PRKN: variants seen among roughly 807,000 people sequenced by gnomAD.
PRKN encodes the protein E3 ubiquitin-protein ligase parkin.
In PRKN, 56 loss-of-function variants were observed where a neutral mutation model predicts 59.5. That is an observed-to-expected ratio of 0.94 (90% CI 0.76 to 1.18). PRKN has a LOEUF of 1.18. Ranked by LOEUF, PRKN falls within the 50% of genes most tolerant of loss-of-function variation. The pLI, the probability that PRKN is intolerant of heterozygous loss-of-function variation, is 0.00. For missense variants in PRKN, 657 were observed against 596.4 expected (o/e 1.10, Z -1.06); for synonymous variants, 250 against 222.1 (o/e 1.13, Z -1.12).
chr6:161,858,798 T>C (rs1394490225), intron 6 of PRKN, among the ~76,000 whole-genome samples: 2 of 151,126 alleles, frequency 1.3e-5, no homozygotes, highest in Non-Finnish European at 2.9e-5. Flanking sequence ...CAGCTCTGCA[T>C]GGCCTTTTAA....
chr6:161,610,221 A>G (rs1221107626), intron 7 of PRKN, among the ~76,000 whole-genome samples: 1 of 152,078 alleles, frequency 6.6e-6, no homozygotes, highest in Non-Finnish European at 1.5e-5. Flanking sequence ...CCAGCGTTGC[A>G]TGGGAGCTGG....
In PRKN at chr6:161,347,619, G is replaced by GT. The variant is rs1393563943; in HGVS notation, c.*2479dup. ...TGGATGATCTTGCTTTTTTGTTTTT[G>GT]TTTTTTTTTTTTTTTTGAGACAGAG... On this transcript the variant is annotated 3_prime_UTR_variant, in exon 12 of 12. Transcript: ENST00000366898. 3.5e-3 allele frequency: 389 copies of GT among 111,072 alleles called. 3 individuals are homozygous for GT. Among genetic ancestry groups the GT allele is most frequent in the East Asian group, 0.024 (99 of 4,054 alleles). 6.9% of individuals were successfully genotyped at this position (111,072 alleles called of 1,614,324 possible).
Position 162,706,243 on chromosome 6 carries a change from T to A in PRKN, c.7+21419A>T, listed in dbSNP as rs147155914. Among the ~76,000 whole-genome samples, 758 of 152,214 alleles carry A rather than the reference T, an allele frequency of 5.0e-3. 8 individuals are homozygous for A. The highest frequency in any genetic ancestry group is 0.017 in the African/African-American group (699 of 41,538). On this transcript the variant is annotated intron_variant, in intron 1 of 11. Coordinates refer to ENST00000366898, the MANE Select transcript of PRKN (RefSeq NM_004562.3). ...CAAATGAAGGAACTCTTTTCCTCTATTAGAAATAGAAGAAACAGATTGTGC... is the reference window on the plus strand; with the variant it reads ...CAAATGAAGGAACTCTTTTCCTCTAATAGAAATAGAAGAAACAGATTGTGC...
chr6:162,035,012 G>A (rs759700245), intron 5 of PRKN, among the ~76,000 whole-genome samples: 3 of 152,166 alleles, frequency 2.0e-5, no homozygotes, highest in Admixed American at 6.5e-5. Context: ...GGCTGTACAA[G>A]AAGCATGTCA....
intron 7 of PRKN, among the ~76,000 whole-genome samples, chr6:161,648,243 T>C (rs1784028378): frequency 6.6e-6 from 1 of 152,194 alleles, no homozygotes; most frequent in Admixed American, 6.5e-5. Context: ...AGAAATGCAT[T>C]TTCATATTCT....
At chr6:161,932,098 T>G (rs1779187356) in intron 6 of PRKN, among the ~76,000 whole-genome samples, 1 of 152,024 alleles carries the variant, frequency 6.6e-6, no homozygotes, top group African/African-American at 2.4e-5. Flanking sequence ...TTTAAATATG[T>G]TAGATTAAAA....
intron 1 of PRKN, among the ~76,000 whole-genome samples, chr6:162,619,830 T>C (rs965032609): frequency 7.2e-5 from 11 of 152,188 alleles, no homozygotes; most frequent in African/African-American, 2.4e-4. Context: ...CAATGTATGA[T>C]GGACATCTTT....
intron 4 of PRKN, among the ~76,000 whole-genome samples, chr6:162,168,672 G>C (rs182467506): frequency 6.6e-6 from 1 of 150,808 alleles, no homozygotes; most frequent in African/African-American, 2.4e-5. Context: ...CAGGAGACTA[G>C]CTACTAACCT....
At chr6:161,692,843 G>T (rs1273302941) in intron 7 of PRKN, among the ~76,000 whole-genome samples, 1 of 151,866 alleles carries the variant, frequency 6.6e-6, no homozygotes, top group Non-Finnish European at 1.5e-5. Context: ...AGCTACTTGG[G>T]AGGCTGAGGC....
chr6:161,509,652 A>C lies in PRKN; in HGVS notation c.1083+39202T>G, dbSNP rs143870233. On this transcript the variant is annotated intron_variant, in intron 9 of 11. Transcript: ENST00000366898. ...CTCAACACTTGGTGAGAGGCCGAGG[A>C]GGGTGGATCACAAGTTTAGGAGTTC... 9.6e-3 allele frequency among the ~76,000 whole-genome samples: 1,457 copies of C among 151,904 alleles called. 20 individuals are homozygous for C. Among genetic ancestry groups the C allele is most frequent in the African/African-American group, 0.034 (1,392 of 41,412 alleles).
intron 2 of PRKN, among the ~76,000 whole-genome samples, chr6:162,364,544 G>A (rs1346093378): frequency 6.6e-6 from 1 of 152,104 alleles, no homozygotes; most frequent in Non-Finnish European, 1.5e-5. Context: ...AGAAGAAAAG[G>A]GGCTTCAAAC....
In PRKN at chr6:162,621,117, C is replaced by A. The variant is rs570451181; in HGVS notation, c.7+106545G>T. Among the ~76,000 whole-genome samples the A allele has an allele frequency of 7.2e-5, 9 of 124,816 alleles. No homozygotes were observed. The South Asian group carries it at 2.0e-3, about 27-fold the overall frequency. The allele number at this position is 124,816 out of a possible 152,430, so 81.9% of individuals were successfully genotyped here. On this transcript the variant is annotated intron_variant, in intron 1 of 11. Coordinates refer to ENST00000366898, the MANE Select transcript of PRKN (RefSeq NM_004562.3). ...TATCTCCACATATCCAGCTTTGATC[C>A]AGCCCGCTTGCCAGACTTTTACATC...
At chr6:162,368,690 T>C (rs938438966) in intron 2 of PRKN, among the ~76,000 whole-genome samples, 5 of 152,194 alleles carry the variant, frequency 3.3e-5, no homozygotes, top group Non-Finnish European at 7.3e-5. Context: ...GCAAAGGATT[T>C]AGGCCAAAGC....
rs548153359 is a variant in PRKN at position 162,279,549 on chromosome 6, CTGTT to C, written c.172-16788_172-16785del. On this transcript the variant is annotated intron_variant, in intron 2 of 11. Coordinates refer to ENST00000366898, the MANE Select transcript of PRKN (RefSeq NM_004562.3). Reference sequence around the variant, plus strand: ...TTTGATTGCCTTGTGGTCTGAGAGACTGTTTGTTATGATTTCTGTTCTTTTGCAT... The same window carrying C: ...TTTGATTGCCTTGTGGTCTGAGAGACTGTTATGATTTCTGTTCTTTTGCAT... 4.1e-3 allele frequency among the ~76,000 whole-genome samples: 621 copies of C among 152,170 alleles called. 4 individuals carry two copies. The highest frequency in any genetic ancestry group is 0.014 in the African/African-American group (598 of 41,526).
intron 6 of PRKN, among the ~76,000 whole-genome samples, chr6:161,875,025 T>C (rs1159902927): frequency 1.9e-5 from 2 of 104,108 alleles, no homozygotes; most frequent in Non-Finnish European, 3.4e-5. Flanking sequence ...ATATAAAGTA[T>C]ATAATATAAT....
At chr6:162,703,997 T>C (rs1172719598) in intron 1 of PRKN, among the ~76,000 whole-genome samples, 1 of 152,196 alleles carries the variant, frequency 6.6e-6, no homozygotes, top group Non-Finnish European at 1.5e-5. Context: ...GGAGGGGGAT[T>C]TGCTTTGTAA....
In PRKN at chr6:161,785,918, G is replaced by A; in HGVS notation, c.735-10C>T. 4 of 1,613,920 alleles carry A rather than the reference G, an allele frequency of 2.5e-6. No homozygotes were observed. Among genetic ancestry groups the A allele is most frequent in the Non-Finnish European group, 3.4e-6 (4 of 1,179,900 alleles). Reference sequence around the variant, plus strand: ...AACCAGGACGGGGCTCCTGCAGAGAGAAAGGAAGATGTTTCCTCTAGTACC... The same window carrying A: ...AACCAGGACGGGGCTCCTGCAGAGAAAAAGGAAGATGTTTCCTCTAGTACC... On this transcript the variant is annotated splice_polypyrimidine_tract_variant and intron_variant, in intron 6 of 11. Transcript: ENST00000366898.
Position 161,360,259 on chromosome 6 carries a change from AGAGTT to A in PRKN, c.1168-59_1168-55del. The A allele has an allele frequency of 7.3e-7, 1 of 1,362,542 alleles. No homozygotes were observed. Among genetic ancestry groups the A allele is most frequent in the Non-Finnish European group, 1.1e-6 (1 of 949,826 alleles). The allele number at this position is 1,362,542 out of a possible 1,614,324, so 84.4% of individuals were successfully genotyped here. On this transcript the variant is annotated intron_variant, in intron 10 of 11. Transcript: ENST00000366898. The surrounding 1 kb of genome is among the most constrained non-coding windows in gnomAD (Gnocchi z 5.1). ...ATCTCAGCTTTCTATTACTGGGATC[AGAGTT>A]TATGTTCCCTGTACGTCGGTACAGG...
At chr6:161,612,884 T>C (rs1782539442) in intron 7 of PRKN, among the ~76,000 whole-genome samples, 2 of 152,216 alleles carry the variant, frequency 1.3e-5, no homozygotes, top group African/African-American at 4.8e-5. Flanking sequence ...AATATTCCTT[T>C]CAAAATATTA....
Sources: allele counts gnomAD v4.1 joint callset (sites outside exome capture counted in the v4.1 genomes callset), GRCh38; gene constraint gnomAD v4.1.1; non-coding constraint Gnocchi (gnomAD v3.1); transcripts MANE v1.5; gene names NCBI Gene and HGNC (gene_info 2026-07-23, HGNC 2026-07-21).